The following PRRX2 variants were observed in gnomAD, a reference collection of about 807,000 sequenced individuals.
PRRX2 encodes the protein paired related homeobox 2, also known as paired mesoderm homeobox protein 2.
A neutral mutation model predicts 18.0 loss-of-function variants in PRRX2; 11 were observed. The ratio of observed to expected loss-of-function variants is 0.61; its 90% CI spans 0.39 to 1.01. The LOEUF (loss-of-function observed/expected upper bound fraction) is 1.01. Among genes scored for constraint, PRRX2 ranks in the 50% least tolerant of loss-of-function variants. The probability of loss-of-function intolerance (pLI) is 0.01; values close to 1 mark genes in which losing one functional copy is unlikely to be tolerated. For missense variants in PRRX2, 387 were observed against 351.0 expected (o/e 1.10, Z -0.82); for synonymous variants, 177 against 154.8 (o/e 1.14, Z -1.06).
Position 129,720,619 on chromosome 9 carries a change from C to G in PRRX2, c.471C>G (p.Ala157=). 6.2e-7 allele frequency: 1 copy of G among 1,611,866 alleles called. No homozygotes were observed. The change falls in exon 3 of 4, where the codon GCC becomes GCG. Residue 157 remains alanine (A), a synonymous_variant. Coordinates refer to ENST00000372469, the MANE Select transcript of PRRX2 (RefSeq NM_016307.4). ...AGGTCTGGTTTCAGAACCGCCGCGCCAAGTTCCGCAGGAATGAAAGGGCCA... is the reference window on the plus strand; with the variant it reads ...AGGTCTGGTTTCAGAACCGCCGCGCGAAGTTCCGCAGGAATGAAAGGGCCA... ...RVQVWFQNRR[A]KFRRNERAML... is the part of the protein sequence containing the mutation.
chr9:129,685,137 G>A (rs557993536), intron 1 of PRRX2, among the ~76,000 whole-genome samples: 22 of 152,296 alleles, frequency 1.4e-4, no homozygotes, highest in African/African-American at 5.3e-4. Flanking sequence ...GGAAGCTGTG[G>A]AGGGGTCATC....
chr9:129,700,243 G>A (rs1832476780), intron 1 of PRRX2, among the ~76,000 whole-genome samples: 1 of 152,134 alleles, frequency 6.6e-6, no homozygotes, highest in Non-Finnish European at 1.5e-5. Flanking sequence ...GGGTCACACA[G>A]CAGTGAAGTT....
chr9:129,716,602 GCAC>G (rs1038179565), intron 1 of PRRX2, among the ~76,000 whole-genome samples: 3 of 151,918 alleles, frequency 2.0e-5, no homozygotes, highest in Admixed American at 6.6e-5. Context: ...TTACAGGCAT[GCAC>G]CACCACACTT....
At chr9:129,673,601 C>G (rs1031073684) in intron 1 of PRRX2, among the ~76,000 whole-genome samples, 1 of 152,104 alleles carries the variant, frequency 6.6e-6, no homozygotes, top group African/African-American at 2.4e-5. Flanking sequence ...CATGGTCTGG[C>G]TTTCCCAGAC....
chr9:129,666,561 G>T (rs1832025842), intron 1 of PRRX2, among the ~76,000 whole-genome samples: 1 of 134,352 alleles, frequency 7.4e-6, no homozygotes, highest in African/African-American at 3.3e-5. Context: ...GGGGGCGAGG[G>T]TGCCTGCCCA....
chr9:129,688,856 C>T (rs1011660211), intron 1 of PRRX2, among the ~76,000 whole-genome samples: 2 of 152,222 alleles, frequency 1.3e-5, no homozygotes, highest in Admixed American at 6.5e-5. Context: ...CACAGCACCA[C>T]CCTCTGGTTG....
At chr9:129,706,141 C>T (rs571874736) in intron 1 of PRRX2, among the ~76,000 whole-genome samples, 2 of 152,236 alleles carry the variant, frequency 1.3e-5, no homozygotes, top group Admixed American at 1.3e-4. Flanking sequence ...TGTACAATCA[C>T]CCATTTAAAG....
rs946007882 is a variant in PRRX2 at position 129,695,212 on chromosome 9, G to C, written c.260-24019G>C. Among the ~76,000 whole-genome samples the C allele has an allele frequency of 2.0e-5, 3 of 152,106 alleles. No homozygotes were observed. Among genetic ancestry groups the C allele is most frequent in the African/African-American group, 7.2e-5 (3 of 41,412 alleles). On this transcript the variant is annotated intron_variant, in intron 1 of 3. Transcript: ENST00000372469. This position sits in a 1 kb window ranked among gnomAD's most constrained non-coding sequence, Gnocchi z 4.8. Reference sequence around the variant, plus strand: ...TATTCCCTTCTCCACCCCACAGTCCGTGAGTGTGGATAGGTGGCCCGTAAT... The same window carrying C: ...TATTCCCTTCTCCACCCCACAGTCCCTGAGTGTGGATAGGTGGCCCGTAAT...
chr9:129,682,560 T>A (rs1209541593), intron 1 of PRRX2, among the ~76,000 whole-genome samples: 1 of 152,086 alleles, frequency 6.6e-6, no homozygotes, highest in Non-Finnish European at 1.5e-5. Context: ...GAATAGGGAC[T>A]TGTTTATTCC....
intron 3 of PRRX2, 147 bp from the exon 4 acceptor site, chr9:129,722,070 A>G (rs1564157773): frequency 1.7e-6 from 2 of 1,185,034 alleles, no homozygotes; most frequent in African/African-American, 1.5e-5. Flanking sequence ...CCCAAACCCT[A>G]CAGCTCCAAA....
chr9:129,685,945 C>G (rs1832295436), intron 1 of PRRX2, among the ~76,000 whole-genome samples: 1 of 152,178 alleles, frequency 6.6e-6, no homozygotes, highest in Admixed American at 6.5e-5. Context: ...CCACGCCTTT[C>G]TGGACCAGTG....
intron 1 of PRRX2, among the ~76,000 whole-genome samples, chr9:129,667,257 G>T (rs1039949319): frequency 6.6e-6 from 1 of 152,226 alleles, no homozygotes; most frequent in African/African-American, 2.4e-5. Context: ...GCACCCTCCG[G>T]GGTGAGTGTG....
At chr9:129,685,522 C>T (rs1216940726) in intron 1 of PRRX2, among the ~76,000 whole-genome samples, 1 of 152,058 alleles carries the variant, frequency 6.6e-6, no homozygotes, top group Non-Finnish European at 1.5e-5. Context: ...ACCACCCCCA[C>T]CTGGCTAATT....
intron 2 of PRRX2, 22 bp downstream of exon 2, chr9:129,719,440 T>A (rs1256703314): frequency 6.7e-7 from 1 of 1,490,422 alleles, no homozygotes; most frequent in African/African-American, 1.4e-5. Context: ...GTCCCGGGCC[T>A]CCCGTGGGAG....
At position 129,718,060 on chromosome 9, in the gene PRRX2, A is replaced by G. The variant is rs529269573; in HGVS notation, c.260-1171A>G. ...GTTTAAATGTGGAAATAGTAGCTGGACGCCCCCCCACCCCCTCCCCCAAGG... is the reference window on the plus strand; with the variant it reads ...GTTTAAATGTGGAAATAGTAGCTGGGCGCCCCCCCACCCCCTCCCCCAAGG... On this transcript the variant is annotated intron_variant, in intron 1 of 3. Coordinates refer to ENST00000372469, the MANE Select transcript of PRRX2 (RefSeq NM_016307.4). 2.6e-5 allele frequency among the ~76,000 whole-genome samples: 4 copies of G among 151,832 alleles called. No homozygotes were observed. The East Asian group carries it at 5.8e-4, about 22-fold the overall frequency.
chr9:129,683,950 C>T (rs988725383), intron 1 of PRRX2, among the ~76,000 whole-genome samples: 7 of 152,264 alleles, frequency 4.6e-5, no homozygotes, highest in East Asian at 1.9e-4. Flanking sequence ...CTATGGCTAA[C>T]GGGAGCCCCT....
At position 129,685,485 on chromosome 9, in the gene PRRX2, C is replaced by T. The variant is rs889494232; in HGVS notation, c.259+19359C>T. Among the ~76,000 whole-genome samples the T allele has an allele frequency of 4.6e-5, 7 of 152,192 alleles. No individual in the cohort carries two copies. The East Asian group carries it at 7.7e-4, about 17-fold the overall frequency. On this transcript the variant is annotated intron_variant, in intron 1 of 3. Transcript: ENST00000372469. ...GGGCTGTTGATCCTCCCACCTCAGC[C>T]TCCTGAGTAGCTGGGTGACATGTGC...
intron 1 of PRRX2, among the ~76,000 whole-genome samples, chr9:129,712,238 G>A (rs1256302869): frequency 5.3e-5 from 8 of 152,186 alleles, no homozygotes; most frequent in Non-Finnish European, 1.0e-4. Context: ...CAGAATAAAT[G>A]CTAATTAATA....
At chr9:129,704,636 G>A (rs1832536643) in intron 1 of PRRX2, among the ~76,000 whole-genome samples, 1 of 152,226 alleles carries the variant, frequency 6.6e-6, no homozygotes, top group Non-Finnish European at 1.5e-5. Flanking sequence ...GCCTTGCTGT[G>A]AGTGCGTGGC....
Sources: gnomAD v4.1 joint callset for allele counts (sites outside exome capture counted in the v4.1 genomes callset) on GRCh38, gnomAD v4.1.1 for gene constraint, Gnocchi (gnomAD v3.1) non-coding constraint, MANE v1.5 for transcripts, NCBI Gene and HGNC (gene_info 2026-07-23, HGNC 2026-07-21) for gene names.